The following COL16A1 variants were observed in gnomAD, a reference collection of about 807,000 sequenced individuals.
COL16A1 encodes the protein collagen alpha-1(XVI) chain.
A neutral mutation model predicts 266.3 loss-of-function variants in COL16A1; 189 were observed. The observed-to-expected ratio is 0.71, with a 90% CI of 0.63 to 0.80. The LOEUF is 0.80. Ranked by LOEUF, COL16A1 falls within the 30% of genes least tolerant of loss-of-function variation. COL16A1 has a pLI of 0.00. For missense variants in COL16A1, 1,928 were observed against 2,122.4 expected (o/e 0.91, Z 1.80); for synonymous variants, 740 against 782.3 (o/e 0.95, Z 0.90).
chr1:31,698,193 G>A lies in COL16A1; in HGVS notation c.391-21C>T. 6.2e-7 allele frequency: 1 copy of A among 1,612,448 alleles called. No homozygotes were observed. Among genetic ancestry groups the A allele is most frequent in the Non-Finnish European group, 8.5e-7 (1 of 1,179,318 alleles). On this transcript the variant is annotated intron_variant, in intron 5 of 70. Coordinates refer to ENST00000373672, the MANE Select transcript of COL16A1 (RefSeq NM_001856.4). This position sits in a 1 kb window ranked among gnomAD's most constrained non-coding sequence, Gnocchi z 4.1. Reference sequence around the variant, plus strand: ...GATATCTGGGTAGAATTTGGAAAGGGAAAGGACAGAGATTCAGAGCTCCAG... The same window carrying A: ...GATATCTGGGTAGAATTTGGAAAGGAAAAGGACAGAGATTCAGAGCTCCAG...
At position 31,686,126 on chromosome 1, in the gene COL16A1, C is replaced by T. The variant is rs1346588421; in HGVS notation, c.1849G>A (p.Gly617Arg). Residue 617 changes from glycine (G) to arginine (R), a missense_variant, in exon 28 of 71, where the codon GGA (glycine) becomes AGA (arginine). Transcript: ENST00000373672. ...AGPAGSPGPP[G>R]PVGPAGIKGA... ...TTGATGCCTGCTGGCCCCACTGGTCCTGGTGGCCCCTGCATGTTAAGACGC... is the reference window on the plus strand; with the variant it reads ...TTGATGCCTGCTGGCCCCACTGGTCTTGGTGGCCCCTGCATGTTAAGACGC... 6.2e-7 allele frequency: 1 copy of T among 1,614,036 alleles called. No individual in the cohort carries two copies. The highest frequency in any genetic ancestry group is 1.7e-5 in the Admixed American group (1 of 60,002).
At chr1:31,701,534 G>C in intron 2 of COL16A1, 1 of 985,368 alleles carries the variant, frequency 1.0e-6, no homozygotes, top group South Asian at 4.7e-5. Flanking sequence ...CAAGTTGCCC[G>C]GTCAACTTCC....
chr1:31,667,699 C>T (rs1460058582), intron 51 of COL16A1, 71 bp from the exon 52 acceptor site: 46 of 1,413,702 alleles, frequency 3.3e-5, no homozygotes, highest in Admixed American at 2.5e-4. Flanking sequence ...ATGCGAGGAG[C>T]GGAGACTGCA....
intron 23 of COL16A1, 104 bp from the exon 24 acceptor site, chr1:31,689,189 A>G: frequency 1.9e-6 from 3 of 1,571,574 alleles, no homozygotes; most frequent in Admixed American, 1.8e-5. Flanking sequence ...CAAACCGTCC[A>G]AACACCTAGG....
At position 31,688,609 on chromosome 1, in the gene COL16A1, T is replaced by A. The variant is rs1390859509; in HGVS notation, c.1768-107A>T. 6.9e-7 allele frequency: 1 copy of A among 1,455,124 alleles called. No individual in the cohort carries two copies. The highest frequency in any genetic ancestry group is 9.7e-7 in the Non-Finnish European group (1 of 1,036,116). 90.1% of individuals were successfully genotyped at this position (1,455,124 alleles called of 1,614,324 possible). On this transcript the variant is annotated intron_variant, in intron 25 of 70. Transcript: ENST00000373672. The surrounding 1 kb of genome is among the most constrained non-coding windows in gnomAD (Gnocchi z 4.9). ...AAACAGAACGGTAAGATAGGAATTA[T>A]GTCCTTCAGGTAGCTGGACAGTTTC...
At chr1:31,702,286 C>G in intron 1 of COL16A1, 59 bp from the exon 2 acceptor site, 1 of 1,569,546 alleles carries the variant, frequency 6.4e-7, no homozygotes, top group Non-Finnish European at 8.7e-7. Flanking sequence ...CAACTCCACA[C>G]GTGGGCAAGT....
At chr1:31,666,994 T>C (rs192993210) in intron 52 of COL16A1, among the ~76,000 whole-genome samples, 7 of 152,310 alleles carry the variant, frequency 4.6e-5, no homozygotes, top group Admixed American at 4.6e-4. Context: ...AAATATCTAT[T>C]ACTGAGTAAA....
Position 31,684,243 on chromosome 1 carries a change from T to C in COL16A1, c.2161-12A>G, listed in dbSNP as rs1413979838. 1.4e-6 allele frequency: 2 copies of C among 1,479,356 alleles called. No homozygotes were observed. The highest frequency in any genetic ancestry group is 1.4e-5 in the South Asian group (1 of 71,670). 91.6% of individuals were successfully genotyped at this position (1,479,356 alleles called of 1,614,324 possible). A position where few individuals can be genotyped will look rare whatever the true frequency, so the allele number is the denominator to read the frequency against. ...GTGCAGCCATCACCCTGGTCAGAGA[T>C]GGGTACAGCCAGGAGCCCATGAGCC... is the stretch of plus-strand genomic sequence containing the variant. On this transcript the variant is annotated splice_polypyrimidine_tract_variant and intron_variant, in intron 31 of 70. Transcript: ENST00000373672.
At chr1:31,682,357 A>G (rs1381307365) in intron 37 of COL16A1, among the ~76,000 whole-genome samples, 1 of 152,236 alleles carries the variant, frequency 6.6e-6, no homozygotes, top group Non-Finnish European at 1.5e-5. Flanking sequence ...CGTCTGATAC[A>G]GTAGTCCATA....
At position 31,656,970 on chromosome 1, in the gene COL16A1, TCAGGG is replaced by T; in HGVS notation, c.4056+58_4056+62del. ...GTTTACTGAAAAAAATGAAGAGGGG[TCAGGG>T]CAAGGCGAGGAGCAAGAAGCACCCC... is the stretch of plus-strand genomic sequence containing the variant. On this transcript the variant is annotated intron_variant, in intron 65 of 70. Coordinates refer to ENST00000373672, the MANE Select transcript of COL16A1 (RefSeq NM_001856.4). The surrounding 1 kb of genome is among the most constrained non-coding windows in gnomAD (Gnocchi z 4.2). 1 of 1,607,784 alleles carries T rather than the reference TCAGGG, an allele frequency of 6.2e-7. No homozygotes were observed.
intron 60 of COL16A1, 25 bp downstream of exon 60, chr1:31,661,389 C>T: frequency 6.2e-7 from 1 of 1,613,930 alleles, no homozygotes; most frequent in Non-Finnish European, 8.5e-7. Context: ...AGATAACCTG[C>T]TTGGCAGAGG....
rs751043840 is a variant in COL16A1 at position 31,662,322 on chromosome 1, CCAT to C, written c.3681+9_3681+11del. 13 of 1,610,410 alleles carry C rather than the reference CCAT, an allele frequency of 8.1e-6. No individual in the cohort carries two copies. Among genetic ancestry groups the C allele is most frequent in the Middle Eastern group, 1.7e-4 (1 of 6,050 alleles). ...AGGAAGGGGTGCCCGCCCTCCCAGC[CCAT>C]CATCTCACCCTCAAGCCAGGCTTGC... On this transcript the variant is annotated intron_variant, in intron 58 of 70. Coordinates refer to ENST00000373672, the MANE Select transcript of COL16A1 (RefSeq NM_001856.4).
intron 66 of COL16A1, chr1:31,655,754 G>A (rs1641082305): frequency 1.8e-6 from 1 of 557,372 alleles, no homozygotes; most frequent in Non-Finnish European, 3.0e-6. Flanking sequence ...TCGTTGGCCG[G>A]GCATGCAAGG....
At chr1:31,653,774 C>T (rs920029036) in intron 69 of COL16A1, 93 bp downstream of exon 69, 3 of 1,561,066 alleles carry the variant, frequency 1.9e-6, no homozygotes, top group South Asian at 1.2e-5. Flanking sequence ...CACACACACA[C>T]ATACATCCCA....
At chr1:31,659,012 AC>A (rs1641415648) in intron 62 of COL16A1, 48 bp from the exon 63 acceptor site, 16 of 1,530,866 alleles carry the variant, frequency 1.0e-5, no homozygotes, top group Non-Finnish European at 1.4e-5. Context: ...TAATAGTAAG[AC>A]CCCTGGGAGG....
At chr1:31,660,477 G>T in intron 62 of COL16A1, 108 bp downstream of exon 62, 2 of 1,467,126 alleles carry the variant, frequency 1.4e-6, no homozygotes, top group Non-Finnish European at 1.9e-6. Context: ...CACGGCTGGG[G>T]CAGCCCCTAT....
At position 31,661,057 on chromosome 1, in the gene COL16A1, G is replaced by C. The variant is rs1159613309; in HGVS notation, c.3825+9C>G. 1 of 1,560,348 alleles carries C rather than the reference G, an allele frequency of 6.4e-7. No individual in the cohort carries two copies. Among genetic ancestry groups the C allele is most frequent in the Non-Finnish European group, 8.7e-7 (1 of 1,151,300 alleles). The stretch of plus-strand genomic sequence containing the variant: ...ACTGAAGGCAGCCATGTGGATCCCT[G>C]GCCCTCACCTCTGCGCCAGGCCGGC... On this transcript the variant is annotated intron_variant, in intron 61 of 70. Coordinates refer to ENST00000373672, the MANE Select transcript of COL16A1 (RefSeq NM_001856.4).
At position 31,667,851 on chromosome 1, in the gene COL16A1, G is replaced by C. The variant is rs150540002; in HGVS notation, c.3304-223C>G. On this transcript the variant is annotated intron_variant, in intron 51 of 70. Transcript: ENST00000373672. ...ACACCCACCCAGCAGCTTCTGTGGG[G>C]GTGGCACCTCTAAGCTGTCTCTCCA... 8.8e-3 allele frequency among the ~76,000 whole-genome samples: 1,340 copies of C among 152,202 alleles called. 7 individuals carry two copies. Among genetic ancestry groups the C allele is most frequent in the South Asian group, 0.027 (131 of 4,814 alleles).
In COL16A1 at chr1:31,660,703, G is replaced by A. The variant is rs747576440; in HGVS notation, c.3826-65C>T. The A allele has an allele frequency of 3.3e-4, 528 of 1,603,766 alleles. 1 individual carries two copies. The highest frequency in any genetic ancestry group is 5.2e-4 in the Middle Eastern group (3 of 5,750). Reference sequence around the variant, plus strand: ...GACTTGCTTGCACCATGTGGCTGTCGGATGGGAGGGGGCTGGGCAGAATAC... The same window carrying A: ...GACTTGCTTGCACCATGTGGCTGTCAGATGGGAGGGGGCTGGGCAGAATAC... On this transcript the variant is annotated intron_variant, in intron 61 of 70. Coordinates refer to ENST00000373672, the MANE Select transcript of COL16A1 (RefSeq NM_001856.4).
Sources: allele counts gnomAD v4.1 joint callset (sites outside exome capture counted in the v4.1 genomes callset), GRCh38; gene constraint gnomAD v4.1.1; non-coding constraint Gnocchi (gnomAD v3.1); transcripts MANE v1.5; gene names NCBI Gene and HGNC (gene_info 2026-07-23, HGNC 2026-07-21).